The following ST6GALNAC5 variants were observed in gnomAD, a reference collection of about 807,000 sequenced individuals.
ST6GALNAC5 encodes the protein ST6 N-acetylgalactosaminide alpha-2,6-sialyltransferase 5, also known as alpha-N-acetylgalactosaminide alpha-2,6-sialyltransferase 5.
A neutral mutation model predicts 33.6 loss-of-function variants in ST6GALNAC5; 27 were observed. The observed-to-expected ratio is 0.80, with a 90% CI of 0.59 to 1.11. The LOEUF (loss-of-function observed/expected upper bound fraction) is 1.11. Among genes scored for constraint, ST6GALNAC5 ranks in the 50% least tolerant of loss-of-function variants. The pLI is 0.00. For missense variants in ST6GALNAC5, 428 were observed against 454.0 expected (o/e 0.94, Z 0.52); for synonymous variants, 194 against 171.2 (o/e 1.13, Z -1.04).
Position 77,050,372 on chromosome 1 carries a change from T to C in ST6GALNAC5, c.779+7T>C. The stretch of plus-strand genomic sequence containing the variant: ...TGCCCCCAGACTTCTGCAGGTAGGA[T>C]TTATTCTGCAAGTGTAAATCATCAG... On this transcript the variant is annotated splice_region_variant and intron_variant, in intron 4 of 4. Coordinates refer to ENST00000477717, the MANE Select transcript of ST6GALNAC5 (RefSeq NM_030965.3). 6.2e-7 allele frequency: 1 copy of C among 1,612,230 alleles called. No individual in the cohort carries two copies. The highest frequency in any genetic ancestry group is 1.3e-5 in the African/African-American group (1 of 75,030).
chr1:77,037,498 C>G lies in ST6GALNAC5; in HGVS notation c.262-6706C>G, dbSNP rs148970491. 2.7e-3 allele frequency among the ~76,000 whole-genome samples: 405 copies of G among 152,218 alleles called. 3 individuals are homozygous for G. Among genetic ancestry groups the G allele is most frequent in the East Asian group, 2.3e-3 (12 of 5,184 alleles). ...ATTCATGCCTCAAAACTCAGTATCA[C>G]ACATTATACCCATGTAACAAATCTG... is the stretch of plus-strand genomic sequence containing the variant. On this transcript the variant is annotated intron_variant, in intron 2 of 4. Transcript: ENST00000477717.
At chr1:76,878,543 G>A (rs1023812365) in intron 2 of ST6GALNAC5, among the ~76,000 whole-genome samples, 1 of 152,132 alleles carries the variant, frequency 6.6e-6, no homozygotes, top group Non-Finnish European at 1.5e-5. Context: ...CCAGTGCACA[G>A]GTACCCTGGT....
chr1:76,961,411 G>A (rs192453969), intron 2 of ST6GALNAC5, among the ~76,000 whole-genome samples: 22 of 152,294 alleles, frequency 1.4e-4, no homozygotes, highest in African/African-American at 1.9e-4. Context: ...GACAAGGAAC[G>A]TGAAAATTGG....
intron 2 of ST6GALNAC5, among the ~76,000 whole-genome samples, chr1:76,905,030 T>C (rs1423960003): frequency 6.6e-6 from 1 of 152,188 alleles, no homozygotes; most frequent in African/African-American, 2.4e-5. Flanking sequence ...GCTGTTTATA[T>C]GAGGTGTTCA....
rs527742559 is a variant in ST6GALNAC5 at position 77,038,310 on chromosome 1, A to G, written c.262-5894A>G. On this transcript the variant is annotated intron_variant, in intron 2 of 4. Transcript: ENST00000477717. The stretch of plus-strand genomic sequence containing the variant: ...CTTTTCTAGTGAATCACATTAAATA[A>G]TCAGCATGGCTTATACCCAGTGTCA... Among the ~76,000 whole-genome samples the G allele has an allele frequency of 8.9e-4, 136 of 152,324 alleles. 1 individual carries two copies. Among genetic ancestry groups the G allele is most frequent in the African/African-American group, 3.1e-3 (129 of 41,574 alleles).
chr1:77,030,464 G>A lies in ST6GALNAC5; in HGVS notation c.262-13740G>A, dbSNP rs550027331. 1.6e-3 allele frequency among the ~76,000 whole-genome samples: 242 copies of A among 152,298 alleles called. 1 individual carries two copies. Among genetic ancestry groups the A allele is most frequent in the African/African-American group, 5.5e-3 (230 of 41,554 alleles). ...AAAAATTCATCTGTAAAAATTGATC[G>A]TCATTATGACTGTTATTTTGGCAGT... On this transcript the variant is annotated intron_variant, in intron 2 of 4. Coordinates refer to ENST00000477717, the MANE Select transcript of ST6GALNAC5 (RefSeq NM_030965.3).
At position 76,930,222 on chromosome 1, in the gene ST6GALNAC5, G is replaced by A. The variant is rs931267160; in HGVS notation, c.261+61480G>A. On this transcript the variant is annotated intron_variant, in intron 2 of 4. Coordinates refer to ENST00000477717, the MANE Select transcript of ST6GALNAC5 (RefSeq NM_030965.3). ...CTTATCATCTTGTAAAATCAAGATA[G>A]TGATAGTACCTAACTCAAAATATTG... Among the ~76,000 whole-genome samples the A allele has an allele frequency of 2.6e-5, 4 of 152,112 alleles. No homozygotes were observed. The East Asian group carries it at 7.7e-4, about 29-fold the overall frequency.
At chr1:77,049,667 T>C (rs1325804616) in intron 3 of ST6GALNAC5, among the ~76,000 whole-genome samples, 1 of 152,236 alleles carries the variant, frequency 6.6e-6, no homozygotes, top group East Asian at 1.9e-4. Context: ...AGCATTCCTG[T>C]GGCTCTTTTC....
At chr1:76,946,567 A>G (rs1327364038) in intron 2 of ST6GALNAC5, among the ~76,000 whole-genome samples, 1 of 152,156 alleles carries the variant, frequency 6.6e-6, no homozygotes, top group African/African-American at 2.4e-5. Context: ...ACATGCTAAT[A>G]CAAAGCTGTA....
At chr1:76,895,544 G>A (rs1473131151) in intron 2 of ST6GALNAC5, among the ~76,000 whole-genome samples, 9 of 152,234 alleles carry the variant, frequency 5.9e-5, no homozygotes, top group Non-Finnish European at 8.8e-5. Flanking sequence ...AAAGGTCTAA[G>A]AATTGGGAGG....
chr1:77,025,260 C>T (rs940843560), intron 2 of ST6GALNAC5, among the ~76,000 whole-genome samples: 1 of 152,122 alleles, frequency 6.6e-6, no homozygotes, highest in African/African-American at 2.4e-5. Context: ...TCATGGAGCC[C>T]GTGTGCTCAC....
chr1:77,035,566 C>T (rs1183289346), intron 2 of ST6GALNAC5, among the ~76,000 whole-genome samples: 5 of 152,074 alleles, frequency 3.3e-5, no homozygotes, highest in African/African-American at 1.2e-4. Context: ...TGGCTTGGAG[C>T]CCAATAGAAT....
chr1:76,914,185 A>G (rs1316659512), intron 2 of ST6GALNAC5, among the ~76,000 whole-genome samples: 2 of 152,196 alleles, frequency 1.3e-5, no homozygotes, highest in Admixed American at 1.3e-4. Context: ...CAATGAAATC[A>G]AAGAGGATAC....
At chr1:76,998,949 C>T (rs1167240713) in intron 2 of ST6GALNAC5, among the ~76,000 whole-genome samples, 1 of 152,136 alleles carries the variant, frequency 6.6e-6, no homozygotes, top group African/African-American at 2.4e-5. Flanking sequence ...ATTTTAGAAT[C>T]ATTTCCATGC....
At chr1:77,009,183 C>T (rs1051735320) in intron 2 of ST6GALNAC5, among the ~76,000 whole-genome samples, 1 of 152,198 alleles carries the variant, frequency 6.6e-6, no homozygotes, top group East Asian at 1.9e-4. Flanking sequence ...CCCAGAATAT[C>T]TCCTGTGTAA....
chr1:76,965,223 C>A (rs940095219), intron 2 of ST6GALNAC5, among the ~76,000 whole-genome samples: 33 of 152,128 alleles, frequency 2.2e-4, no homozygotes, highest in African/African-American at 4.3e-4. Context: ...CCACCCCCCC[C>A]ACCAACAGTG....
Position 76,979,180 on chromosome 1 carries a change from A to T in ST6GALNAC5, c.262-65024A>T, listed in dbSNP as rs1209842246. 1.2e-4 allele frequency among the ~76,000 whole-genome samples: 19 copies of T among 152,182 alleles called. 1 individual carries two copies. Among genetic ancestry groups the T allele is most frequent in the Non-Finnish European group, 2.9e-5 (2 of 68,038 alleles). On this transcript the variant is annotated intron_variant, in intron 2 of 4. Coordinates refer to ENST00000477717, the MANE Select transcript of ST6GALNAC5 (RefSeq NM_030965.3). ...ATGGATTGGAAGAATTAATATTTTT[A>T]AAATGTTCGTATTACCTAAAGCTAG...
At chr1:76,932,238 GAA>G (rs1647150230) in intron 2 of ST6GALNAC5, among the ~76,000 whole-genome samples, 1 of 152,156 alleles carries the variant, frequency 6.6e-6, no homozygotes, top group East Asian at 1.9e-4. Context: ...TATGGGAAAG[GAA>G]AAGAGTAATT....
chr1:77,051,395 AC>A (rs1223988806), intron 4 of ST6GALNAC5, among the ~76,000 whole-genome samples: 1 of 152,172 alleles, frequency 6.6e-6, no homozygotes, highest in African/African-American at 2.4e-5. Context: ...GATAGAGCAG[AC>A]CTTTGATGTA....
Sources: allele counts gnomAD v4.1 joint callset (sites outside exome capture counted in the v4.1 genomes callset), GRCh38; gene constraint gnomAD v4.1.1; transcripts MANE v1.5; gene names NCBI Gene and HGNC (gene_info 2026-07-23, HGNC 2026-07-21).